MAP3K19: variants seen among roughly 807,000 people sequenced by gnomAD.
MAP3K19 encodes the protein SPS1/STE20-related protein kinase YSK4.
In MAP3K19, 91 loss-of-function variants were observed where a neutral mutation model predicts 114.4. That is an observed-to-expected ratio of 0.80 (90% CI 0.67 to 0.95). MAP3K19 has a LOEUF of 0.95. MAP3K19 is among the 40% of genes least tolerant of loss of function. The pLI is 0.00. For synonymous variants in MAP3K19, 518 were observed against 530.5 expected (o/e 0.98, Z 0.32); for missense variants, 1,471 against 1,573.2 (o/e 0.94, Z 1.10).
At chr2:134,997,534 A>G (rs1486902576) in intron 8 of MAP3K19, among the ~76,000 whole-genome samples, 1 of 152,130 alleles carries the variant, frequency 6.6e-6, no homozygotes, top group Admixed American at 6.6e-5. Flanking sequence ...ACAAAAAAAA[A>G]TTTAGGCCAG....
intron 5 of MAP3K19, among the ~76,000 whole-genome samples, chr2:135,008,612 GT>G (rs1687000956): frequency 6.6e-6 from 1 of 152,144 alleles, no homozygotes; most frequent in Admixed American, 6.5e-5. Flanking sequence ...TGAAAAAGTT[GT>G]TTTTTTGTAC....
chr2:135,036,654 TGTGTGTGTG>T (rs1688535941), intron 2 of MAP3K19, among the ~76,000 whole-genome samples: 2 of 147,050 alleles, frequency 1.4e-5, no homozygotes, highest in African/African-American at 5.3e-5. Flanking sequence ...TGTGTGTGTG[TGTGTGTGTG>T]TGTGTGTGTG....
Position 134,981,479 on chromosome 2 carries a change from C to A in MAP3K19, c.3262G>T (p.Val1088Leu). 2 of 1,614,174 alleles carry A rather than the reference C, an allele frequency of 1.2e-6. No individual in the cohort carries two copies. The highest frequency in any genetic ancestry group is 1.7e-6 in the Non-Finnish European group (2 of 1,180,010). Residue 1088 changes from valine (V) to leucine (L), a missense_variant, in exon 12 of 13, where the codon GTA becomes TTA. Coordinates refer to ENST00000392915, the MANE Select transcript of MAP3K19 (RefSeq NM_025052.5). Reference protein sequence around the residue: ...GLTSQGQLIAVKQVALDTSNK... With the variant: ...GLTSQGQLIALKQVALDTSNK... ...GAGGTATCCAAAGCCACCTGTTTTACAGCTATTAGCTGTCCTTGACTAGTG... is the reference window on the plus strand; with the variant it reads ...GAGGTATCCAAAGCCACCTGTTTTAAAGCTATTAGCTGTCCTTGACTAGTG...
chr2:134,997,602 C>T (rs181070606), intron 8 of MAP3K19, among the ~76,000 whole-genome samples: 176 of 152,118 alleles, frequency 1.2e-3, no homozygotes, highest in African/African-American at 3.9e-3. Context: ...GGGAGGATCA[C>T]GAGGTCAAGA....
chr2:134,972,681 C>G (rs1165026291), intron 12 of MAP3K19, among the ~76,000 whole-genome samples: 1 of 152,072 alleles, frequency 6.6e-6, no homozygotes, highest in African/African-American at 2.4e-5. Flanking sequence ...AAGTGATCCT[C>G]CCACCTTGGC....
chr2:134,976,821 T>C (rs1052860544), intron 12 of MAP3K19, among the ~76,000 whole-genome samples: 3 of 148,510 alleles, frequency 2.0e-5, no homozygotes, highest in Non-Finnish European at 4.5e-5. Context: ...CTAAGGTGGG[T>C]GGATCACGAG....
intron 5 of MAP3K19, among the ~76,000 whole-genome samples, chr2:135,008,684 T>C (rs1687005178): frequency 6.6e-6 from 1 of 152,180 alleles, no homozygotes; most frequent in Non-Finnish European, 1.5e-5. Context: ...TGCATGAATG[T>C]GCTATATCAT....
At chr2:135,001,239 A>G (rs1686422330) in intron 6 of MAP3K19, among the ~76,000 whole-genome samples, 1 of 152,192 alleles carries the variant, frequency 6.6e-6, no homozygotes, top group African/African-American at 2.4e-5. Flanking sequence ...GCTACCATAA[A>G]AATGTAGCTA....
chr2:135,007,154 G>A (rs1686881908), intron 5 of MAP3K19, among the ~76,000 whole-genome samples: 1 of 143,694 alleles, frequency 7.0e-6, no homozygotes, highest in Non-Finnish European at 1.5e-5. Flanking sequence ...AACTGAGTGA[G>A]ACCCTGTCTC....
At chr2:135,008,867 C>T (rs1340112562) in intron 5 of MAP3K19, among the ~76,000 whole-genome samples, 1 of 152,148 alleles carries the variant, frequency 6.6e-6, no homozygotes, top group Admixed American at 6.5e-5. Context: ...CAGCCTTGAA[C>T]TCCTGGGCTC....
chr2:135,042,234 G>A (rs1688659291), intron 1 of MAP3K19, among the ~76,000 whole-genome samples: 1 of 152,228 alleles, frequency 6.6e-6, no homozygotes, highest in Non-Finnish European at 1.5e-5. Flanking sequence ...GCCAGGTAGT[G>A]GCTCACGCCT....
intron 3 of MAP3K19, among the ~76,000 whole-genome samples, chr2:135,025,372 C>CTTTTTTTTTTTTTT (rs1054458367): frequency 1.4e-5 from 1 of 70,136 alleles, no homozygotes; most frequent in Non-Finnish European, 2.6e-5. Context: ...ATGGCCTTTT[C>CTTTTTTTTTTTTTT]TTTTCTTTTT....
chr2:134,990,452 CTTTT>C (rs1228349998), intron 9 of MAP3K19, among the ~76,000 whole-genome samples: 6 of 129,272 alleles, frequency 4.6e-5, no homozygotes, highest in African/African-American at 1.7e-4. Context: ...TTATGATTTT[CTTTT>C]TTTGTTTTTT....
chr2:134,997,760 G>A (rs747710049), intron 8 of MAP3K19, among the ~76,000 whole-genome samples: 12 of 144,352 alleles, frequency 8.3e-5, no homozygotes, highest in East Asian at 2.1e-4. Context: ...CAGAGGTTGC[G>A]GTGAGCTGAG....
At chr2:135,003,743 G>A (rs188492513) in intron 6 of MAP3K19, among the ~76,000 whole-genome samples, 137 of 151,998 alleles carry the variant, frequency 9.0e-4, no homozygotes, top group African/African-American at 3.0e-3. Context: ...TAGTAGAGAC[G>A]GGGTTTCACC....
intron 2 of MAP3K19, among the ~76,000 whole-genome samples, chr2:135,033,557 C>T (rs1449797709): frequency 0.038 from 29 of 772 alleles, no homozygotes; most frequent in South Asian, 0.1. Context: ...CCGGACGGGG[C>T]GGCTGGCGGG....
rs965422780 is a variant in MAP3K19, at chr2:134,964,714, A to G, written c.*136T>C. 26 of 565,238 alleles carry G rather than the reference A, an allele frequency of 4.6e-5. No homozygotes were observed. The Admixed American group carries it at 5.9e-4, about 13-fold the overall frequency. The allele number at this position is 565,238 out of a possible 1,614,324, so 35.0% of individuals were successfully genotyped here. A position where few individuals can be genotyped will look rare whatever the true frequency, so the allele number is the denominator to read the frequency against. On this transcript the variant is annotated 3_prime_UTR_variant, in exon 13 of 13. Transcript: ENST00000392915. The stretch of plus-strand genomic sequence containing the variant: ...AATATGTAACTGCAACTTTCAGTTA[A>G]TGACTCCATAGGATCTGCTTAAACT...
In MAP3K19 at chr2:134,998,366, T is replaced by C. The variant is rs73959235; in HGVS notation, c.574+372A>G. Among the ~76,000 whole-genome samples the C allele has an allele frequency of 4.5e-3, 679 of 152,340 alleles. 3 individuals are homozygous for C. Among genetic ancestry groups the C allele is most frequent in the African/African-American group, 0.015 (628 of 41,572 alleles). On this transcript the variant is annotated intron_variant, in intron 8 of 12. Transcript: ENST00000392915. ...AACCATAGTGCAAATCAGTAGGATA[T>C]TGATACTGAAATTATCAAGTATAGT...
chr2:134,979,994 G>T (rs994146466), intron 12 of MAP3K19, among the ~76,000 whole-genome samples: 2 of 152,180 alleles, frequency 1.3e-5, no homozygotes, highest in African/African-American at 4.8e-5. Context: ...TTCATCTAGG[G>T]ATAAGAAGGC....
Sources: gnomAD v4.1 joint callset for allele counts (sites outside exome capture counted in the v4.1 genomes callset) on GRCh38, gnomAD v4.1.1 for gene constraint, MANE v1.5 for transcripts, NCBI Gene and HGNC (gene_info 2026-07-23, HGNC 2026-07-21) for gene names.